Variants in MUC20 observed in about 807,000 individuals in gnomAD.
MUC20 encodes mucin-20.
Under a neutral mutation model 23.8 loss-of-function variants are expected in MUC20, and 14 were observed. The ratio of observed to expected loss-of-function variants is 0.59; its 90% confidence interval spans 0.39 to 0.92. The LOEUF (loss-of-function observed/expected upper bound fraction) is 0.92, where lower values mean the gene tolerates loss of function less well. MUC20 is among the 40% of genes least tolerant of loss of function. The pLI is 0.00. For missense variants in MUC20, 375 were observed against 668.8 expected, an observed-to-expected ratio of 0.56 and a Z score of 4.85; for synonymous variants, 166 against 279.3, an observed-to-expected ratio of 0.59 and a Z score of 4.04.
At chr3:195,729,817 C>A in intron 3 of MUC20, 78 bp downstream of exon 3, 1 of 1,351,082 alleles carries the variant, frequency 7.4e-7, no homozygotes, top group South Asian at 1.3e-5. Context: ...ACCCGCAGGA[C>A]ACAGAAGAGC....
At chr3:195,721,671 A>T (rs1281188385) in intron 1 of MUC20, 1 of 154,296 alleles carries the variant, frequency 6.5e-6, no homozygotes, top group East Asian at 1.9e-4. Flanking sequence ...TGCCAAACTC[A>T]TCACATACAT....
chr3:195,730,593 A>T (rs1332403362), intron 3 of MUC20, among the ~76,000 whole-genome samples: 1 of 151,698 alleles, frequency 6.6e-6, no homozygotes, highest in Non-Finnish European at 1.5e-5. Context: ...CTCGTGATCC[A>T]CCCGTCTTGG....
chr3:195,729,025 A>T (rs991443786), intron 2 of MUC20, among the ~76,000 whole-genome samples: 5 of 152,290 alleles, frequency 3.3e-5, no homozygotes, highest in Non-Finnish European at 4.4e-5. Context: ...GTCTTTTTCA[A>T]AATGGAGTCT....
At position 195,725,809 on chromosome 3, in the gene MUC20, G is replaced by T. The variant is rs9866195; in HGVS notation, c.1206G>T (p.Pro402=). Residue 402 remains proline, a synonymous_variant, in exon 2 of 4, where the codon CCG becomes CCT. Transcript: ENST00000447234. ...PHPVITPSWS[P]GSDVTLLAEA... is the part of the protein sequence containing the mutation. ...CAGTCATCACCCCCTCATGGTCCCCGGGATCTGACGTCACTCTCCTCGCTG... is the reference window on the plus strand; with the variant it reads ...CAGTCATCACCCCCTCATGGTCCCCTGGATCTGACGTCACTCTCCTCGCTG... 6.4e-7 allele frequency: 1 copy of T among 1,567,720 alleles called. No individual in the cohort carries two copies. Among genetic ancestry groups the T allele is most frequent in the East Asian group, 2.3e-5 (1 of 44,036 alleles).
chr3:195,721,215 TGTGAA>T (rs1392441087), intron 1 of MUC20, 132 bp downstream of exon 1: 7 of 1,146,456 alleles, frequency 6.1e-6, no homozygotes, highest in African/African-American at 1.6e-5. Context: ...CAGTGCTACT[TGTGAA>T]GTGCTATTAT....
At chr3:195,722,100 G>C (rs1290884482) in intron 1 of MUC20, 1 of 310,510 alleles carries the variant, frequency 3.2e-6, no homozygotes, top group Non-Finnish European at 4.7e-6. Context: ...CATCATCAGC[G>C]TCCCCCACCA....
chr3:195,726,971 C>T (rs1712756915), intron 2 of MUC20, among the ~76,000 whole-genome samples: 1 of 152,292 alleles, frequency 6.6e-6, no homozygotes, highest in Non-Finnish European at 1.5e-5. Flanking sequence ...GCTTCTATTC[C>T]AGCCATAGCC....
chr3:195,723,053 G>T (rs1712310027), intron 1 of MUC20, among the ~76,000 whole-genome samples: 1 of 149,666 alleles, frequency 6.7e-6, no homozygotes, highest in African/African-American at 2.5e-5. Context: ...GGCAAGGCAG[G>T]TATTGTGACC....
intron 2 of MUC20, chr3:195,729,379 C>T (rs1002468868): frequency 3.0e-5 from 12 of 399,158 alleles, no homozygotes; most frequent in Admixed American, 8.6e-5. Flanking sequence ...TGTAGTGCTG[C>T]GATCTCAGAT....
intron 3 of MUC20, among the ~76,000 whole-genome samples, chr3:195,731,665 G>A (rs1441337286): frequency 6.6e-6 from 1 of 152,262 alleles, no homozygotes. Flanking sequence ...ATAGGTTCTC[G>A]CTGCCTTTTT....
chr3:195,727,041 C>A (rs1489918096), intron 2 of MUC20, among the ~76,000 whole-genome samples: 1 of 152,272 alleles, frequency 6.6e-6, no homozygotes, highest in African/African-American at 2.4e-5. Flanking sequence ...CAGGCTGGGA[C>A]CCCATGAAAG....
At chr3:195,729,469 AC>A in intron 2 of MUC20, 178 bp from the exon 3 acceptor site, 1 of 639,084 alleles carries the variant, frequency 1.6e-6, no homozygotes, top group East Asian at 2.8e-5. Flanking sequence ...GGCACGCACC[AC>A]CATGCCCGGC....
intron 3 of MUC20, among the ~76,000 whole-genome samples, chr3:195,732,440 A>G (rs1713493250): frequency 6.6e-6 from 1 of 151,318 alleles, no homozygotes; most frequent in Admixed American, 6.6e-5. Flanking sequence ...GCTCACTGCA[A>G]CCTCCACCTC....
intron 3 of MUC20, among the ~76,000 whole-genome samples, 196 bp from the exon 4 acceptor site, chr3:195,732,954 T>A (rs1713548845): frequency 6.6e-6 from 1 of 152,240 alleles, no homozygotes; most frequent in Admixed American, 6.5e-5. Flanking sequence ...TCCTAACACC[T>A]GCTTTATAAG....
chr3:195,727,774 C>A (rs1712853257), intron 2 of MUC20, among the ~76,000 whole-genome samples: 2 of 151,946 alleles, frequency 1.3e-5, no homozygotes, highest in Non-Finnish European at 2.9e-5. Context: ...TTATCTGATG[C>A]CAGGCAGTGT....
intron 2 of MUC20, chr3:195,729,314 CT>C (rs10575022): frequency 0.24 from 41,442 of 170,114 alleles, 2,382 homozygotes; most frequent in East Asian, 0.39. Flanking sequence ...TCATCCTCCT[CT>C]TTTTTTTTTT....
In MUC20 at chr3:195,733,352, T is replaced by C. The variant is rs73892849; in HGVS notation, c.*134T>C. On this transcript the variant is annotated 3_prime_UTR_variant, in exon 4 of 4. Coordinates refer to ENST00000447234, the MANE Select transcript of MUC20 (RefSeq NM_001282506.2). ...CAGAAGGTTCCCATGAAGGGCAGCA[T>C]GTCCAAGCCCCTGACCCCAGATGTG... is the stretch of plus-strand genomic sequence containing the variant. The C allele has an allele frequency of 4.4e-3, 6,595 of 1,500,926 alleles. 1 individual carries two copies. In the African/African-American group the frequency reaches 0.084, roughly 19 times the overall value. 93.0% of individuals were successfully genotyped at this position (1,500,926 alleles called of 1,614,324 possible). A position where few individuals can be genotyped will look rare whatever the true frequency, so the allele number is the denominator to read the frequency against.
At chr3:195,721,426 C>T (rs565820113) in intron 1 of MUC20, among the ~76,000 whole-genome samples, 649 of 151,168 alleles carry the variant, frequency 4.3e-3, no homozygotes, top group South Asian at 0.026. Flanking sequence ...AAGTGGGGCA[C>T]GGAGCGGGGG....
rs1469555280 is a variant in MUC20 at position 195,733,283 on chromosome 3, C to A, written c.*65C>A. 1.3e-6 allele frequency: 2 copies of A among 1,553,258 alleles called. No homozygotes were observed. The highest frequency in any genetic ancestry group is 1.7e-6 in the Non-Finnish European group (2 of 1,148,114). On this transcript the variant is annotated 3_prime_UTR_variant, in exon 4 of 4. Coordinates refer to ENST00000447234, the MANE Select transcript of MUC20 (RefSeq NM_001282506.2). ...AGAGGGTGCTGCCCCTAGCCTGGGC[C>A]CCCACCGACAGACTGCAGCTGCGTT... is the stretch of plus-strand genomic sequence containing the variant.
Sources: allele counts gnomAD v4.1 joint callset (sites outside exome capture counted in the v4.1 genomes callset), GRCh38; gene constraint gnomAD v4.1.1; transcripts MANE v1.5; gene names NCBI Gene and HGNC (gene_info 2026-07-23, HGNC 2026-07-21).